TNFRSF8: variants seen among roughly 807,000 people sequenced by gnomAD.
TNFRSF8 encodes the protein TNF receptor superfamily member 8, also known as tumor necrosis factor receptor superfamily member 8.
TNFRSF8 carries 26 observed loss-of-function variants against 70.8 expected under a neutral mutation model. The ratio of observed to expected loss-of-function variants is 0.37; its 90% CI spans 0.27 to 0.51. The LOEUF is 0.51. Ranked by LOEUF, TNFRSF8 falls within the 20% of genes least tolerant of loss-of-function variation. The pLI, the probability that TNFRSF8 is intolerant of heterozygous loss-of-function variation, is 0.94. For synonymous variants in TNFRSF8, 356 were observed against 339.2 expected (o/e 1.05, Z -0.54); for missense variants, 720 against 807.9 (o/e 0.89, Z 1.32).
At chr1:12,083,795 GCGAATGATTCTCACAATA>G (rs1246038449) in intron 1 of TNFRSF8, among the ~76,000 whole-genome samples, 2 of 152,258 alleles carry the variant, frequency 1.3e-5, no homozygotes, top group African/African-American at 4.8e-5. Flanking sequence ...TTGCAACAGT[GCGAATGATTCTCACAATA>G]TAATGCTGAA....
chr1:12,102,213 G>A (rs1032168071), intron 3 of TNFRSF8, among the ~76,000 whole-genome samples: 5 of 152,158 alleles, frequency 3.3e-5, no homozygotes, highest in Non-Finnish European at 7.3e-5. Flanking sequence ...GGTGGTCTGC[G>A]AATGGGGCTT....
intron 2 of TNFRSF8, among the ~76,000 whole-genome samples, chr1:12,096,486 G>A (rs375731182): frequency 1.3e-5 from 2 of 151,328 alleles, no homozygotes; most frequent in African/African-American, 4.9e-5. Context: ...GAAAGTTTAT[G>A]AGTTTGCGTT....
chr1:12,132,837 CAAAAAAAAAAA>C, intron 12 of TNFRSF8, among the ~76,000 whole-genome samples: 1 of 74,422 alleles, frequency 1.3e-5, no homozygotes, highest in South Asian at 6.1e-4. Flanking sequence ...GACTCCATCT[CAAAAAAAAAAA>C]AAAAAAAAAA....
In TNFRSF8 at chr1:12,063,708, C is replaced by G; in HGVS notation, c.63+47C>G. On this transcript the variant is annotated intron_variant, in intron 1 of 14. Transcript: ENST00000263932. This position sits in a 1 kb window ranked among gnomAD's most constrained non-coding sequence, Gnocchi z 7.2. Reference sequence around the variant, plus strand: ...GGGGAGGTGCCGGCGGTCCAGAGCCCGGACAGTGTGGGGTGCGTGGGACGC... The same window carrying G: ...GGGGAGGTGCCGGCGGTCCAGAGCCGGGACAGTGTGGGGTGCGTGGGACGC... 2.4e-6 allele frequency: 3 copies of G among 1,262,132 alleles called. No individual in the cohort carries two copies. The highest frequency in any genetic ancestry group is 3.2e-5 in the South Asian group (1 of 30,958). The allele number at this position is 1,262,132 out of a possible 1,614,324, so 78.2% of individuals were successfully genotyped here.
chr1:12,116,422 GT>G (rs1641731323), intron 8 of TNFRSF8, among the ~76,000 whole-genome samples: 1 of 152,210 alleles, frequency 6.6e-6, no homozygotes, highest in Non-Finnish European at 1.5e-5. Context: ...GTTTTTTGTT[GT>G]TGTTGTTTTT....
rs567726972 is a variant in TNFRSF8, at chr1:12,100,882, G to A, written c.269-3497G>A. Among the ~76,000 whole-genome samples, 22 of 151,412 alleles carry A rather than the reference G, an allele frequency of 1.5e-4. No individual in the cohort carries two copies. The South Asian group carries it at 4.6e-3, about 32-fold the overall frequency. On this transcript the variant is annotated intron_variant, in intron 3 of 14. Transcript: ENST00000263932. ...TGAGGCAGGAGAATTGCTTGAACCC[G>A]GGAGGCGGAGGTTGCAGTGAGCTGA...
chr1:12,114,558 A>C (rs1351704968), intron 7 of TNFRSF8, among the ~76,000 whole-genome samples: 1 of 152,048 alleles, frequency 6.6e-6, no homozygotes, highest in African/African-American at 2.4e-5. Context: ...TGCCTAATCT[A>C]CTGATGCAGT....
chr1:12,118,299 C>T (rs1246426939), intron 8 of TNFRSF8, among the ~76,000 whole-genome samples: 1 of 151,780 alleles, frequency 6.6e-6, no homozygotes, highest in South Asian at 2.1e-4. Context: ...TTAGTAGAGA[C>T]GGGGTTTCAC....
rs956633818 is a variant in TNFRSF8, at chr1:12,110,628, C to T, written c.676+424C>T. Among the ~76,000 whole-genome samples the T allele has an allele frequency of 8.6e-5, 13 of 152,032 alleles. No individual in the cohort carries two copies. Among genetic ancestry groups the T allele is most frequent in the East Asian group, 1.9e-4 (1 of 5,180 alleles). On this transcript the variant is annotated intron_variant, in intron 6 of 14. Coordinates refer to ENST00000263932, the MANE Select transcript of TNFRSF8 (RefSeq NM_001243.5). The surrounding 1 kb of genome is among the most constrained non-coding windows in gnomAD (Gnocchi z 4.0). ...TTTTCTTTTTTTTGAGACGGAGTTTCGCTCATGTTGCCCAGGCTGGAGTGC... is the reference window on the plus strand; with the variant it reads ...TTTTCTTTTTTTTGAGACGGAGTTTTGCTCATGTTGCCCAGGCTGGAGTGC...
intron 4 of TNFRSF8, 95 bp downstream of exon 4, chr1:12,104,626 G>A (rs969870041): frequency 6.7e-5 from 97 of 1,437,544 alleles, no homozygotes; most frequent in Non-Finnish European, 8.7e-5. Flanking sequence ...CCGACCTCCC[G>A]CTTCCCGGAG....
intron 2 of TNFRSF8, among the ~76,000 whole-genome samples, chr1:12,090,351 C>T (rs987073581): frequency 3.1e-4 from 46 of 150,764 alleles, no homozygotes; most frequent in Middle Eastern, 3.4e-3. Context: ...TCCACCCATC[C>T]GTCTACCCAT....
intron 1 of TNFRSF8, among the ~76,000 whole-genome samples, chr1:12,076,086 C>CTCTTTTTTTT (rs58965655): frequency 7.4e-6 from 1 of 134,460 alleles, no homozygotes; most frequent in Non-Finnish European, 1.6e-5. Context: ...TGGTTTTATT[C>CTCTTTTTTTT]TTTTTTTTTT....
intron 1 of TNFRSF8, among the ~76,000 whole-genome samples, chr1:12,078,572 A>G (rs12070530): frequency 0.22 from 33,152 of 152,038 alleles, 4,614 homozygotes; most frequent in African/African-American, 0.37. Flanking sequence ...CTTAAAAAAC[A>G]AAAACAAAAA....
chr1:12,136,036 C>G (rs555344181), intron 13 of TNFRSF8, among the ~76,000 whole-genome samples: 114 of 151,858 alleles, frequency 7.5e-4, no homozygotes, highest in Non-Finnish European at 1.3e-3. Flanking sequence ...ATCCTCCAAG[C>G]TGGATGACAG....
rs1553159536 is a variant in TNFRSF8 at position 12,137,548 on chromosome 1, G to GGT, written c.1336-681_1336-680insGT. On this transcript the variant is annotated intron_variant, in intron 13 of 14. Transcript: ENST00000263932. ...TTCCTCATGACATAGCTGTTTTTTTGTTTTTTTTTGTTTTTTTTTTGTTTT... is the reference window on the plus strand; with the variant it reads ...TTCCTCATGACATAGCTGTTTTTTTGGTTTTTTTTTTGTTTTTTTTTTGTTTT... Among the ~76,000 whole-genome samples, 9 of 131,496 alleles carry GGT rather than the reference G, an allele frequency of 6.8e-5. 1 individual carries two copies. In the East Asian group the frequency reaches 2.2e-3, roughly 32 times the overall value. 86.3% of individuals were successfully genotyped at this position (131,496 alleles called of 152,430 possible). A position where few individuals can be genotyped will look rare whatever the true frequency, so the allele number is the denominator to read the frequency against.
At chr1:12,135,796 C>T (rs374947205) in intron 13 of TNFRSF8, among the ~76,000 whole-genome samples, 183 bp downstream of exon 13, 194 of 152,312 alleles carry the variant, frequency 1.3e-3, no homozygotes, top group African/African-American at 4.5e-3. Flanking sequence ...GTCTGACCCA[C>T]CACAGGGACC....
chr1:12,113,658 T>C lies in TNFRSF8; in HGVS notation c.793+1644T>C, dbSNP rs1255567183. 8.6e-6 allele frequency among the ~76,000 whole-genome samples: 1 copy of C among 115,816 alleles called. No individual in the cohort carries two copies. Among genetic ancestry groups the C allele is most frequent in the East Asian group, 2.6e-4 (1 of 3,820 alleles). The allele number at this position is 115,816 out of a possible 152,430, so 76.0% of individuals were successfully genotyped here. ...GAGACAGAAAGAGAAAGAGACGGAG[T>C]GAGCGAGAGAGAGAGAGACAGAAAG... On this transcript the variant is annotated intron_variant, in intron 7 of 14. Transcript: ENST00000263932. This position sits in a 1 kb window ranked among gnomAD's most constrained non-coding sequence, Gnocchi z 4.9.
intron 8 of TNFRSF8, among the ~76,000 whole-genome samples, chr1:12,117,864 T>C (rs1446434888): frequency 6.6e-6 from 1 of 152,046 alleles, no homozygotes; most frequent in African/African-American, 2.4e-5. Flanking sequence ...CTCACCCTTC[T>C]AAGTCTCTGT....
chr1:12,125,923 A>G (rs775561747), intron 10 of TNFRSF8, 28 bp from the exon 11 acceptor site: 2 of 1,594,362 alleles, frequency 1.3e-6, no homozygotes, highest in Admixed American at 3.3e-5. Context: ...CAGCAAGGCA[A>G]AGAGTGTGGG....
Sources: allele counts gnomAD v4.1 joint callset (sites outside exome capture counted in the v4.1 genomes callset), GRCh38; gene constraint gnomAD v4.1.1; non-coding constraint Gnocchi (gnomAD v3.1); transcripts MANE v1.5; gene names NCBI Gene and HGNC (gene_info 2026-07-23, HGNC 2026-07-21).